ALG9: variants seen among roughly 807,000 people sequenced by gnomAD.
The protein encoded by ALG9 is ALG9 alpha-1,2-mannosyltransferase.
In ALG9, 55 loss-of-function variants were observed where a neutral mutation model predicts 81.8. The observed-to-expected ratio is 0.67, with a 90% CI of 0.54 to 0.84. ALG9 has a LOEUF of 0.84. ALG9 is among the 40% of genes least tolerant of loss of function. The pLI, the probability that ALG9 is intolerant of heterozygous loss-of-function variation, is 0.00. For synonymous variants in ALG9, 278 were observed against 274.3 expected, an observed-to-expected ratio of 1.01 and a Z score of -0.13; for missense variants, 629 against 745.0, an observed-to-expected ratio of 0.84 and a Z score of 1.81.
chr11:111,776,343 A>C, the ALG9 span, among the ~76,000 whole-genome samples: 1 of 152,204 alleles, frequency 6.6e-6, no homozygotes, highest in African/African-American at 2.4e-5. Flanking sequence ...TAATCCCAGC[A>C]CTTTGGGAGG....
chr11:111,840,181 G>T (rs1163886997), intron 10 of ALG9, among the ~76,000 whole-genome samples: 1 of 152,062 alleles, frequency 6.6e-6, no homozygotes, highest in Non-Finnish European at 1.5e-5. Context: ...GGCAATACAG[G>T]GTTCTGAGGC....
At chr11:111,825,157 G>T (rs1953018111) in intron 13 of ALG9, among the ~76,000 whole-genome samples, 1 of 152,114 alleles carries the variant, frequency 6.6e-6, no homozygotes, top group Non-Finnish European at 1.5e-5. Context: ...AGTCCTAATT[G>T]GTCCAAATTT....
intron 13 of ALG9, among the ~76,000 whole-genome samples, chr11:111,813,049 C>CA (rs1555093163): frequency 1.5e-4 from 23 of 152,256 alleles, no homozygotes; most frequent in African/African-American, 2.4e-4. Flanking sequence ...CTCAAAGAAG[C>CA]GACTGTCTTT....
Position 111,865,238 on chromosome 11 carries a change from T to C in ALG9, c.419A>G (p.Tyr140Cys). 1 of 1,552,046 alleles carries C rather than the reference T, an allele frequency of 6.4e-7. No individual in the cohort carries two copies. Among genetic ancestry groups the C allele is most frequent in the Non-Finnish European group, 8.7e-7 (1 of 1,147,374 alleles). Residue 140 changes from tyrosine (Y) to cysteine (C), a missense_variant, in exon 4 of 15, where the codon TAC becomes TGC. By Grantham distance (194) the Tyr-to-Cys change is radical. Around this residue, in one of 3 missense-constraint regions of ALG9, gnomAD observed 344 missense variants for 390.5 expected, o/e 0.88. Transcript: ENST00000616540. ...ILQTNKILVF[Y>C]FLRCLLAFVS... ...AAAAGCCAGAAGACATCGCAAAAAG[T>C]AAAACACAAGAATCTAAAAGAAACC...
chr11:111,824,931 C>A (rs1032483804), intron 13 of ALG9, among the ~76,000 whole-genome samples: 1 of 152,170 alleles, frequency 6.6e-6, no homozygotes, highest in Non-Finnish European at 1.5e-5. Context: ...GTGAAATAGA[C>A]CTATCATAGC....
intron 4 of ALG9, among the ~76,000 whole-genome samples, chr11:111,860,910 T>G (rs150393514): frequency 5.1e-4 from 77 of 152,352 alleles, no homozygotes; most frequent in African/African-American, 1.8e-3. Context: ...TGAAAAATAA[T>G]AGACCTCAGA....
chr11:111,868,786 T>C, intron 2 of ALG9, 50 bp from the exon 3 acceptor site: 2 of 1,502,034 alleles, frequency 1.3e-6, no homozygotes, highest in Non-Finnish European at 1.8e-6. Context: ...CAAAAATCTC[T>C]GTTAAGCAGA....
intron 13 of ALG9, among the ~76,000 whole-genome samples, chr11:111,822,468 T>C (rs1468529254): frequency 2.7e-5 from 4 of 149,364 alleles, no homozygotes; most frequent in African/African-American, 9.9e-5. Context: ...TTGTAACACT[T>C]TGGGAGGCCA....
intron 13 of ALG9, chr11:111,817,416 T>G (rs1233702349): frequency 2.6e-5 from 4 of 152,186 alleles, no homozygotes; most frequent in African/African-American, 9.7e-5. Flanking sequence ...TGGAGTGTAG[T>G]AGTGCAAATC....
intron 4 of ALG9, among the ~76,000 whole-genome samples, chr11:111,861,350 T>G (rs1960047265): frequency 6.6e-6 from 1 of 152,254 alleles, no homozygotes. Flanking sequence ...TTTCAGAGCT[T>G]CTTTCTGAAA....
chr11:111,871,358 C>T lies in ALG9; in HGVS notation c.125G>A (p.Arg42Gln), dbSNP rs781880611. The change falls in exon 1 of 15, where the codon CGG (arginine) becomes CAG (glutamine). Residue 42 changes from arginine (R) to glutamine (Q), a missense_variant. Arg to Gln is a conservative substitution (Grantham distance 43, BLOSUM62 1). Around this residue, in one of 3 missense-constraint regions of ALG9, gnomAD observed 344 missense variants for 390.5 expected, o/e 0.88. Transcript: ENST00000616540. ...TGCCGCGCCGCACACGTACTCGGTC[C>T]GGTGCTCCGCGCCGCCCGCCTCTCG... ...GSREAGGAEH[R>Q]TELSGNKAGQ... is the part of the protein sequence containing the mutation. 16 of 1,529,924 alleles carry T rather than the reference C, an allele frequency of 1.0e-5. No homozygotes were observed. The highest frequency in any genetic ancestry group is 2.0e-5 in the Admixed American group (1 of 50,760). 94.8% of individuals were successfully genotyped at this position (1,529,924 alleles called of 1,614,324 possible). A position where few individuals can be genotyped will look rare whatever the true frequency, so the allele number is the denominator to read the frequency against.
At chr11:111,786,664 C>A in intron 14 of ALG9, 144 bp from the exon 15 acceptor site, 1 of 1,000,520 alleles carries the variant, frequency 1.0e-6, no homozygotes, top group Non-Finnish European at 1.4e-6. Context: ...TATTTCGGTA[C>A]TAGATCACGA....
At chr11:111,788,068 G>A (rs950544107) in intron 14 of ALG9, among the ~76,000 whole-genome samples, 3 of 152,184 alleles carry the variant, frequency 2.0e-5, no homozygotes, top group African/African-American at 4.8e-5. Context: ...TCTGATTTCT[G>A]AGTCTGAAAA....
intron 4 of ALG9, among the ~76,000 whole-genome samples, chr11:111,863,893 A>G (rs529373266): frequency 1.1e-4 from 16 of 152,344 alleles, no homozygotes; most frequent in African/African-American, 3.8e-4. Context: ...AGTAAAGACC[A>G]GTTAGATAGT....
intron 8 of ALG9, among the ~76,000 whole-genome samples, chr11:111,851,897 T>A (rs1555138911): frequency 1.3e-5 from 2 of 152,300 alleles, no homozygotes; most frequent in East Asian, 3.9e-4. Flanking sequence ...ATAAAGGAGC[T>A]TTTTTAAAGT....
At chr11:111,807,906 A>G (rs782775122) in intron 14 of ALG9, among the ~76,000 whole-genome samples, 1 of 152,166 alleles carries the variant, frequency 6.6e-6, no homozygotes, top group Non-Finnish European at 1.5e-5. Context: ...GCAATATGGC[A>G]AAACCACGTC....
intron 14 of ALG9, among the ~76,000 whole-genome samples, chr11:111,789,713 G>A (rs1051753453): frequency 6.6e-6 from 1 of 151,466 alleles, no homozygotes; most frequent in African/African-American, 2.4e-5. Flanking sequence ...CCAGCTACTC[G>A]GGACGCTGAG....
intron 14 of ALG9, among the ~76,000 whole-genome samples, chr11:111,795,938 C>T (rs1326748818): frequency 1.3e-5 from 2 of 152,218 alleles, no homozygotes; most frequent in East Asian, 3.9e-4. Context: ...TAAAGGTACT[C>T]TATGTCCCAT....
chr11:111,782,456 T>A lies in ALG9; in HGVS notation c.*3941A>T, dbSNP rs549404480. The stretch of plus-strand genomic sequence containing the variant: ...ACGATGCCATACGGAAGTCTGATCT[T>A]TCTGTTGCAAAAAAAATTAAAGCTG... On this transcript the variant is annotated 3_prime_UTR_variant, in exon 15 of 15. Coordinates refer to ENST00000616540, the MANE Select transcript of ALG9 (RefSeq NM_024740.2). The A allele has an allele frequency of 6.5e-6, 1 of 152,760 alleles. No individual in the cohort carries two copies. Among genetic ancestry groups the A allele is most frequent in the East Asian group, 1.9e-4 (1 of 5,184 alleles). 9.5% of individuals were successfully genotyped at this position (152,760 alleles called of 1,614,324 possible).
Sources: allele counts gnomAD v4.1 joint callset (sites outside exome capture counted in the v4.1 genomes callset), GRCh38; gene constraint gnomAD v4.1.1; regional missense constraint gnomAD v4.1.1; transcripts MANE v1.5; gene names NCBI Gene and HGNC (gene_info 2026-07-23, HGNC 2026-07-21).